The following NCOA2 variants were observed in gnomAD, a reference collection of about 807,000 sequenced individuals.
NCOA2 encodes class E basic helix-loop-helix protein 75.
NCOA2 carries 21 observed loss-of-function variants against 145.1 expected under a neutral mutation model. That is an observed-to-expected ratio of 0.14 (90% CI 0.10 to 0.21). The LOEUF is 0.21. NCOA2 is among the 10% of genes least tolerant of loss of function. NCOA2 has a pLI of 1.00. For synonymous variants in NCOA2, 619 were observed against 637.5 expected (o/e 0.97, Z 0.44); for missense variants, 1,472 against 1,837.6 (o/e 0.80, Z 3.64).
chr8:70,196,480 A>G (rs951268862), intron 4 of NCOA2, among the ~76,000 whole-genome samples: 9 of 152,252 alleles, frequency 5.9e-5, no homozygotes, highest in Admixed American at 4.6e-4. Context: ...TTAGATGTGC[A>G]GAACATACAG....
intron 2 of NCOA2, among the ~76,000 whole-genome samples, chr8:70,282,064 G>A (rs1473718230): frequency 6.6e-6 from 1 of 152,104 alleles, no homozygotes; most frequent in Non-Finnish European, 1.5e-5. Flanking sequence ...AAACCTAAGA[G>A]GTGAGAGATA....
intron 2 of NCOA2, among the ~76,000 whole-genome samples, chr8:70,247,073 G>A (rs1185003241): frequency 6.6e-6 from 1 of 152,028 alleles, no homozygotes; most frequent in Non-Finnish European, 1.5e-5. Context: ...AAAACTCCTA[G>A]TTTACTCTAA....
rs983547507 is a variant in NCOA2 at position 70,240,688 on chromosome 8, T to C, written c.-19-23924A>G. 3.3e-5 allele frequency among the ~76,000 whole-genome samples: 5 copies of C among 152,170 alleles called. No homozygotes were observed. The East Asian group carries it at 5.8e-4, about 18-fold the overall frequency. ...CTGTTGACTGTGAGTGCAATCTTAATGAATCAACAATATTATGTAACTTAC... is the reference window on the plus strand; with the variant it reads ...CTGTTGACTGTGAGTGCAATCTTAACGAATCAACAATATTATGTAACTTAC... On this transcript the variant is annotated intron_variant, in intron 2 of 22. Transcript: ENST00000452400.
chr8:70,355,478 C>T (rs1809599986), intron 1 of NCOA2, among the ~76,000 whole-genome samples: 1 of 152,216 alleles, frequency 6.6e-6, no homozygotes. Flanking sequence ...AACCTGTATT[C>T]TCTTAGACAA....
Position 70,361,088 on chromosome 8 carries a change from C to T in NCOA2, c.-77+42612G>A, listed in dbSNP as rs552620436. On this transcript the variant is annotated intron_variant, in intron 1 of 22. Transcript: ENST00000452400. ...AGATAAAATTCTATGCCTAAATCCA[C>T]CATTGCTAATAACTTTGCATTGTTA... 2.6e-5 allele frequency among the ~76,000 whole-genome samples: 4 copies of T among 152,294 alleles called. No homozygotes were observed. In the South Asian group the frequency reaches 8.3e-4, roughly 32 times the overall value.
intron 1 of NCOA2, among the ~76,000 whole-genome samples, chr8:70,355,948 A>C (rs1809649773): frequency 6.6e-6 from 1 of 152,164 alleles, no homozygotes. Flanking sequence ...GTTTTATGCT[A>C]ATCTCTCTCA....
At chr8:70,254,992 CTTT>C (rs1396121963) in intron 2 of NCOA2, among the ~76,000 whole-genome samples, 2 of 152,096 alleles carry the variant, frequency 1.3e-5, no homozygotes, top group African/African-American at 4.8e-5. Flanking sequence ...AAAGAGTATT[CTTT>C]GTCAGCTGCC....
chr8:70,389,508 G>A (rs1395852427), intron 1 of NCOA2, among the ~76,000 whole-genome samples: 5 of 152,090 alleles, frequency 3.3e-5, no homozygotes, highest in East Asian at 1.9e-4. Context: ...TCGAACTCCC[G>A]ACCTCAGGTG....
At chr8:70,150,337 G>A (rs1389761138) in intron 11 of NCOA2, among the ~76,000 whole-genome samples, 2 of 152,206 alleles carry the variant, frequency 1.3e-5, no homozygotes, top group Non-Finnish European at 1.5e-5. Flanking sequence ...GGAAGGCACC[G>A]CACTGACTAT....
chr8:70,339,828 A>T (rs1489234954), intron 1 of NCOA2, among the ~76,000 whole-genome samples: 1 of 152,218 alleles, frequency 6.6e-6, no homozygotes, highest in Non-Finnish European at 1.5e-5. Flanking sequence ...TGACAAAAAC[A>T]TGCAATGGGG....
chr8:70,385,961 G>T (rs1477096166), intron 1 of NCOA2, among the ~76,000 whole-genome samples: 1 of 152,178 alleles, frequency 6.6e-6, no homozygotes, highest in Non-Finnish European at 1.5e-5. Context: ...TTAGTGCACG[G>T]TTTTCTTCTC....
chr8:70,295,341 T>C (rs1052782831), intron 2 of NCOA2, among the ~76,000 whole-genome samples: 3 of 152,198 alleles, frequency 2.0e-5, no homozygotes, highest in African/African-American at 7.2e-5. Flanking sequence ...TGCAGCGATA[T>C]AAACTGGACA....
intron 4 of NCOA2, among the ~76,000 whole-genome samples, chr8:70,181,618 ATC>A (rs1211058171): frequency 1.3e-5 from 2 of 152,148 alleles, no homozygotes; most frequent in East Asian, 3.9e-4. Flanking sequence ...ATTAGATAGA[ATC>A]TCTGACTAAA....
chr8:70,441,840 AAGAC>A, the NCOA2 span, among the ~76,000 whole-genome samples: 21 of 149,398 alleles, frequency 1.4e-4, no homozygotes, highest in Admixed American at 1.3e-3. Flanking sequence ...GAAAGAAAGA[AAGAC>A]AGAAAGACAG....
intron 1 of NCOA2, among the ~76,000 whole-genome samples, chr8:70,313,115 C>A (rs1023746173): frequency 2.0e-5 from 3 of 152,110 alleles, no homozygotes; most frequent in African/African-American, 7.2e-5. Context: ...AATCACTGAG[C>A]CCATTAACCT....
chr8:70,367,914 CT>C (rs1810859658), intron 1 of NCOA2, among the ~76,000 whole-genome samples: 1 of 152,200 alleles, frequency 6.6e-6, no homozygotes, highest in African/African-American at 2.4e-5. Context: ...TGACTTAATT[CT>C]GTGTCTTTTT....
the NCOA2 span, among the ~76,000 whole-genome samples, chr8:70,441,224 GAAGA>G: frequency 8.8e-4 from 120 of 136,956 alleles, no homozygotes; most frequent in African/African-American, 3.0e-3. Flanking sequence ...AGAAAAGGAA[GAAGA>G]AAGAAAGAAA....
chr8:70,197,453 G>T (rs974948023), intron 4 of NCOA2, among the ~76,000 whole-genome samples: 5 of 152,204 alleles, frequency 3.3e-5, no homozygotes, highest in African/African-American at 1.2e-4. Flanking sequence ...GACATATGCT[G>T]AGGAGCAGCT....
intron 5 of NCOA2, among the ~76,000 whole-genome samples, chr8:70,173,375 T>C (rs116660569): frequency 0.031 from 4,791 of 152,236 alleles, 248 homozygotes; most frequent in African/African-American, 0.11. Flanking sequence ...TTCCCAATTG[T>C]AATAATTTAG....
Sources: allele counts gnomAD v4.1 joint callset (sites outside exome capture counted in the v4.1 genomes callset), GRCh38; gene constraint gnomAD v4.1.1; transcripts MANE v1.5; gene names NCBI Gene and HGNC (gene_info 2026-07-23, HGNC 2026-07-21).